Variants in RAPGEF6 observed in about 807,000 individuals in gnomAD.
RAPGEF6 encodes the protein PDZ domain containing guanine nucleotide exchange factor (GEF) 2.
Under a neutral mutation model 171.4 loss-of-function variants are expected in RAPGEF6, and 56 were observed. That is an observed-to-expected ratio of 0.33 (90% confidence interval 0.26 to 0.41). The LOEUF (loss-of-function observed/expected upper bound fraction) is 0.41, where lower values mean the gene tolerates loss of function less well. RAPGEF6 is among the 10% of genes least tolerant of loss of function. The pLI, the probability that RAPGEF6 is intolerant of heterozygous loss-of-function variation, is 1.00. For missense variants in RAPGEF6, 1,674 were observed against 1,921.4 expected, an observed-to-expected ratio of 0.87 and a Z score of 2.41; for synonymous variants, 692 against 650.1, an observed-to-expected ratio of 1.06 and a Z score of -0.98.
chr5:131,577,866 C>T (rs1762698521), intron 4 of RAPGEF6, among the ~76,000 whole-genome samples: 1 of 152,186 alleles, frequency 6.6e-6, no homozygotes, highest in South Asian at 2.1e-4. Context: ...CTAATACATC[C>T]TTTCATCCTA....
intron 5 of RAPGEF6, among the ~76,000 whole-genome samples, chr5:131,556,393 C>G (rs1761238314): frequency 1.3e-5 from 2 of 152,164 alleles, no homozygotes; most frequent in Admixed American, 1.3e-4. Context: ...GGCAACAGAT[C>G]AAGACTCTGT....
At chr5:131,574,074 C>A (rs1351806455) in intron 4 of RAPGEF6, among the ~76,000 whole-genome samples, 3 of 152,196 alleles carry the variant, frequency 2.0e-5, no homozygotes, top group Non-Finnish European at 4.4e-5. Flanking sequence ...GCATACAAAA[C>A]CTTCAGAACA....
chr5:131,517,818 CACACAA>C (rs1354680832), intron 7 of RAPGEF6, among the ~76,000 whole-genome samples: 4 of 124,020 alleles, frequency 3.2e-5, no homozygotes, highest in Admixed American at 8.4e-5. Context: ...CACACACACA[CACACAA>C]AATTTAGTTA....
At chr5:131,607,046 G>C (rs1764643042) in intron 1 of RAPGEF6, among the ~76,000 whole-genome samples, 1 of 152,214 alleles carries the variant, frequency 6.6e-6, no homozygotes, top group Non-Finnish European at 1.5e-5. Flanking sequence ...ACCTAATAAT[G>C]GTCATTCCCC....
intron 11 of RAPGEF6, among the ~76,000 whole-genome samples, chr5:131,499,955 G>A (rs1416576503): frequency 2.6e-5 from 4 of 152,098 alleles, no homozygotes; most frequent in African/African-American, 4.8e-5. Context: ...CTGGAGTGCC[G>A]CTGCGCGATC....
chr5:131,604,311 A>T (rs1485090807), intron 2 of RAPGEF6, among the ~76,000 whole-genome samples: 3 of 152,210 alleles, frequency 2.0e-5, no homozygotes, highest in African/African-American at 7.2e-5. Context: ...AAATACTTCA[A>T]CAAAGATACT....
At chr5:131,588,627 T>C (rs1386907749) in intron 4 of RAPGEF6, among the ~76,000 whole-genome samples, 1 of 151,418 alleles carries the variant, frequency 6.6e-6, no homozygotes, top group Non-Finnish European at 1.5e-5. Flanking sequence ...CCTACAGTCC[T>C]AGCTACTTGG....
intron 18 of RAPGEF6, chr5:131,463,762 T>C: frequency 9.6e-7 from 1 of 1,043,298 alleles, no homozygotes. Context: ...ATACTGGCCA[T>C]ATTAAAAACA....
At chr5:131,489,961 C>T (rs1228281490) in intron 14 of RAPGEF6, among the ~76,000 whole-genome samples, 1 of 152,004 alleles carries the variant, frequency 6.6e-6, no homozygotes. Flanking sequence ...CATGGCAGAT[C>T]AGCTCATAAA....
intron 22 of RAPGEF6, among the ~76,000 whole-genome samples, chr5:131,443,591 GC>G (rs1187294895): frequency 1.3e-5 from 2 of 152,006 alleles, no homozygotes; most frequent in African/African-American, 4.8e-5. Flanking sequence ...ACCTTAACTT[GC>G]CCCTGCTTTT....
intron 1 of RAPGEF6, among the ~76,000 whole-genome samples, chr5:131,606,364 G>GA (rs11357225): frequency 4.3e-4 from 49 of 113,176 alleles, no homozygotes; most frequent in East Asian, 7.8e-4. Context: ...CATCTCAAGG[G>GA]AAAAAAAAAA....
intron 1 of RAPGEF6, among the ~76,000 whole-genome samples, chr5:131,609,842 G>C (rs1764835425): frequency 6.6e-6 from 1 of 152,160 alleles, no homozygotes; most frequent in Admixed American, 6.5e-5. Flanking sequence ...GTTCAGCCAG[G>C]ATCATAATCC....
chr5:131,427,372 T>C lies in RAPGEF6; in HGVS notation c.4781-81A>G, dbSNP rs1005157839. 5 of 1,222,916 alleles carry C rather than the reference T, an allele frequency of 4.1e-6. No individual in the cohort carries two copies. The African/African-American group carries it at 4.6e-5, about 11-fold the overall frequency. 75.8% of individuals were successfully genotyped at this position (1,222,916 alleles called of 1,614,324 possible). A position where few individuals can be genotyped will look rare whatever the true frequency, so the allele number is the denominator to read the frequency against. On this transcript the variant is annotated intron_variant, in intron 27 of 27. Transcript: ENST00000509018. ...ATAATCTAGTTATCTATTTAGAAAA[T>C]CAATGTCAACAAAGAAATCCTCTCA... is the stretch of plus-strand genomic sequence containing the variant.
rs534669459 is a variant in RAPGEF6, at chr5:131,528,028, A to T, written c.496-6507T>A. 1.1e-3 allele frequency among the ~76,000 whole-genome samples: 152 copies of T among 137,878 alleles called. 1 individual carries two copies. The highest frequency in any genetic ancestry group is 8.4e-3 in the East Asian group (42 of 5,026). 90.5% of individuals were successfully genotyped at this position (137,878 alleles called of 152,430 possible). On this transcript the variant is annotated intron_variant, in intron 6 of 27. Transcript: ENST00000509018. ...AGACTCCGTGTCAAAAAATAATAAT[A>T]ATTATTATTATATATAATTATATAT... is the stretch of plus-strand genomic sequence containing the variant.
intron 15 of RAPGEF6, among the ~76,000 whole-genome samples, chr5:131,488,624 A>C (rs1289658061): frequency 6.6e-6 from 1 of 152,202 alleles, no homozygotes; most frequent in Non-Finnish European, 1.5e-5. Flanking sequence ...AGTCAAAGGG[A>C]CTCAAAAAGA....
intron 6 of RAPGEF6, among the ~76,000 whole-genome samples, chr5:131,524,593 G>GA (rs1758736844): frequency 8.2e-6 from 1 of 122,164 alleles, no homozygotes; most frequent in African/African-American, 3.1e-5. Flanking sequence ...GGGAGAGGGA[G>GA]GGGGGAGAGA....
intron 4 of RAPGEF6, among the ~76,000 whole-genome samples, chr5:131,589,442 TG>T (rs1417834950): frequency 6.6e-6 from 1 of 152,216 alleles, no homozygotes; most frequent in East Asian, 1.9e-4. Context: ...TCTCCTTATT[TG>T]GGGGAGAGGG....
chr5:131,586,457 C>G (rs749914512), intron 4 of RAPGEF6, among the ~76,000 whole-genome samples: 7 of 152,104 alleles, frequency 4.6e-5, no homozygotes, highest in Non-Finnish European at 1.0e-4. Context: ...GTGGTGAAAC[C>G]CTGTCTCTAC....
chr5:131,446,527 T>G lies in RAPGEF6; in HGVS notation c.3377A>C (p.Lys1126Thr). 6.2e-7 allele frequency: 1 copy of G among 1,614,258 alleles called. No individual in the cohort carries two copies. The highest frequency in any genetic ancestry group is 8.5e-7 in the Non-Finnish European group (1 of 1,180,038). ...CCACTGTAATGACATCATCTGGAACTTCTCCTCATCTGTCTCTACATCGAG... is the reference window on the plus strand; with the variant it reads ...CCACTGTAATGACATCATCTGGAACGTCTCCTCATCTGTCTCTACATCGAG... ...SSLDVETDEE[K>T]FQMMSLQWEP... Residue 1126 changes from lysine (K) to threonine (T), a missense_variant, in exon 22 of 28, where the codon AAG becomes ACG. Around this residue, in one of 3 missense-constraint regions of RAPGEF6, gnomAD observed 552 missense variants for 574.2 expected, o/e 0.96. Coordinates refer to ENST00000509018, the MANE Select transcript of RAPGEF6 (RefSeq NM_016340.6).
Sources: gnomAD v4.1 joint callset for allele counts (sites outside exome capture counted in the v4.1 genomes callset) on GRCh38, gnomAD v4.1.1 for gene constraint, gnomAD v4.1.1 regional missense constraint, MANE v1.5 for transcripts, NCBI Gene and HGNC (gene_info 2026-07-23, HGNC 2026-07-21) for gene names.